Variants in B4GALT7 observed in about 807,000 individuals in gnomAD.
B4GALT7 encodes the protein beta-1,4-galactosyltransferase 7, also known as UDP-Gal:beta-GlcNAc beta-1,4-galactosyltransferase 7.
Under a neutral mutation model 33.0 loss-of-function variants are expected in B4GALT7, and 30 were observed. The observed-to-expected ratio is 0.91, with a 90% confidence interval of 0.68 to 1.23. The LOEUF is 1.23. Ranked by LOEUF, B4GALT7 falls within the 50% of genes most tolerant of loss-of-function variation. B4GALT7 has a pLI of 0.00. For synonymous variants in B4GALT7, 213 were observed against 187.2 expected (o/e 1.14, Z -1.13); for missense variants, 507 against 450.8 (o/e 1.12, Z -1.13).
In B4GALT7 at chr5:177,606,594, C is replaced by CT. The variant is rs1375026030; in HGVS notation, c.414-707dup. 6.4e-6 allele frequency: 1 copy of CT among 155,090 alleles called. No homozygotes were observed. The highest frequency in any genetic ancestry group is 1.4e-5 in the Non-Finnish European group (1 of 69,890). 9.6% of individuals were successfully genotyped at this position (155,090 alleles called of 1,614,324 possible). The stretch of plus-strand genomic sequence containing the variant: ...TGGTCTCCCTGCTTTCACCCCTGCT[C>CT]TGACAGTCTCTTCCAGCACAACAGC... On this transcript the variant is annotated intron_variant, in intron 2 of 5. Coordinates refer to ENST00000029410, the MANE Select transcript of B4GALT7 (RefSeq NM_007255.3). This position sits in a 1 kb window ranked among gnomAD's most constrained non-coding sequence, Gnocchi z 4.2.
intron 2 of B4GALT7, chr5:177,605,340 G>A (rs1767963854): frequency 7.2e-6 from 2 of 277,030 alleles, no homozygotes; most frequent in African/African-American, 4.5e-5. Context: ...AACACGTGAG[G>A]CGGCCATGCT....
Position 177,600,784 on chromosome 5 carries a change from C to A in B4GALT7, c.50+524C>A, listed in dbSNP as rs899473041. 6.6e-6 allele frequency among the ~76,000 whole-genome samples: 1 copy of A among 152,172 alleles called. No homozygotes were observed. Among genetic ancestry groups the A allele is most frequent in the Admixed American group, 6.5e-5 (1 of 15,278 alleles). On this transcript the variant is annotated intron_variant, in intron 1 of 5. Transcript: ENST00000029410. This position sits in a 1 kb window ranked among gnomAD's most constrained non-coding sequence, Gnocchi z 4.4. ...TACCCTTCCTCCTTAACACTTCCCC[C>A]CATCCTTCGCAGGCCACCAGCAGAA...
Position 177,608,940 on chromosome 5 carries a change from T to A in B4GALT7, c.754T>A (p.Tyr252Asn). ...LFRPSGITTGYKTFRHLHDPA... is the reference protein window; with the variant it reads ...LFRPSGITTGNKTFRHLHDPA... ...CCGCCCCTCGGGAATCACAACTGGG[T>A]ACAAGACATTTCGCCACCTGCATGA... is the stretch of plus-strand genomic sequence containing the variant. The change falls in exon 5 of 6, where the codon TAC (tyrosine) becomes AAC (asparagine). Residue 252 changes from tyrosine to asparagine, a missense_variant. Tyr to Asn is a moderately radical substitution (Grantham distance 143). Transcript: ENST00000029410. This position sits in a 1 kb window ranked among gnomAD's most constrained non-coding sequence, Gnocchi z 4.1. The A allele has an allele frequency of 6.2e-7, 1 of 1,613,738 alleles. No homozygotes were observed.
chr5:177,608,880 C>T lies in B4GALT7; in HGVS notation c.724-30C>T, dbSNP rs964938009. 11 of 1,588,664 alleles carry T rather than the reference C, an allele frequency of 6.9e-6. No individual in the cohort carries two copies. Among genetic ancestry groups the T allele is most frequent in the Non-Finnish European group, 9.5e-6 (11 of 1,158,242 alleles). On this transcript the variant is annotated intron_variant, in intron 4 of 5. Coordinates refer to ENST00000029410, the MANE Select transcript of B4GALT7 (RefSeq NM_007255.3). The surrounding 1 kb of genome is among the most constrained non-coding windows in gnomAD (Gnocchi z 4.1). ...AGGGCTGGGGCTCCAGGAAGGGCAG[C>T]CTGACCCCGACTTCCTTGGACCTCC...
intron 1 of B4GALT7, among the ~76,000 whole-genome samples, chr5:177,603,637 A>G (rs1031066157): frequency 3.3e-5 from 5 of 151,930 alleles, no homozygotes; most frequent in African/African-American, 1.2e-4. Context: ...AACATTGGTC[A>G]TTTTACCTGG....
At chr5:177,603,273 G>A in intron 1 of B4GALT7, 1 of 985,260 alleles carries the variant, frequency 1.0e-6, no homozygotes, top group Non-Finnish European at 1.2e-6. Flanking sequence ...GAGAAGGTAG[G>A]GGGAGTACAG....
rs1433757096 is a variant in B4GALT7, at chr5:177,600,648, T to G, written c.50+388T>G. The stretch of plus-strand genomic sequence containing the variant: ...TCTGCATGCGGGTCTCTGACTCCGC[T>G]GACCTCTCACCATGGATTTGTGTTT... On this transcript the variant is annotated intron_variant, in intron 1 of 5. Coordinates refer to ENST00000029410, the MANE Select transcript of B4GALT7 (RefSeq NM_007255.3). The surrounding 1 kb of genome is among the most constrained non-coding windows in gnomAD (Gnocchi z 4.4). Among the ~76,000 whole-genome samples, 1 of 152,188 alleles carries G rather than the reference T, an allele frequency of 6.6e-6. No individual in the cohort carries two copies. Among genetic ancestry groups the G allele is most frequent in the African/African-American group, 2.4e-5 (1 of 41,440 alleles).
At position 177,600,205 on chromosome 5, in the gene B4GALT7, C is replaced by T. The variant is rs1767806249; in HGVS notation, c.-6C>T. On this transcript the variant is annotated 5_prime_UTR_variant, in exon 1 of 6. Transcript: ENST00000029410. The surrounding 1 kb of genome is among the most constrained non-coding windows in gnomAD (Gnocchi z 4.4). ...CCTGCCCCATGCGCCGCCGCCTCTC[C>T]GCACGATGTTCCCCTCGCGGAGGAA... 3 of 1,379,864 alleles carry T rather than the reference C, an allele frequency of 2.2e-6. No individual in the cohort carries two copies. The highest frequency in any genetic ancestry group is 6.2e-5 in the East Asian group (2 of 32,470). The allele number at this position is 1,379,864 out of a possible 1,614,324, so 85.5% of individuals were successfully genotyped here.
chr5:177,602,501 A>G (rs1767872630), intron 1 of B4GALT7, among the ~76,000 whole-genome samples: 1 of 152,150 alleles, frequency 6.6e-6, no homozygotes, highest in Non-Finnish European at 1.5e-5. Context: ...CCGTGGGAAT[A>G]CAAAAGTGGG....
chr5:177,608,703 C>G lies in B4GALT7; in HGVS notation c.723+81C>G. On this transcript the variant is annotated intron_variant, in intron 4 of 5. Coordinates refer to ENST00000029410, the MANE Select transcript of B4GALT7 (RefSeq NM_007255.3). This position sits in a 1 kb window ranked among gnomAD's most constrained non-coding sequence, Gnocchi z 4.1. ...TCTTCTGTTTCCTCAGATGAAGCTCCTGGGGTCTGGAGATGGCCCTGATTC... is the reference window on the plus strand; with the variant it reads ...TCTTCTGTTTCCTCAGATGAAGCTCGTGGGGTCTGGAGATGGCCCTGATTC... 1.4e-6 allele frequency: 2 copies of G among 1,388,162 alleles called. No individual in the cohort carries two copies. Among genetic ancestry groups the G allele is most frequent in the Non-Finnish European group, 2.0e-6 (2 of 989,662 alleles). The allele number at this position is 1,388,162 out of a possible 1,614,324, so 86.0% of individuals were successfully genotyped here.
Position 177,610,129 on chromosome 5 carries a change from G to A in B4GALT7, c.*434G>A, listed in dbSNP as rs1014170486. On this transcript the variant is annotated 3_prime_UTR_variant, in exon 6 of 6. Transcript: ENST00000029410. ...GTAGGTGGCAGTTGGGCCTGGTGAGGGTTAGGACTTCAGAAACCAGAGCAC... is the reference window on the plus strand; with the variant it reads ...GTAGGTGGCAGTTGGGCCTGGTGAGAGTTAGGACTTCAGAAACCAGAGCAC... 4.4e-6 allele frequency: 1 copy of A among 229,364 alleles called. No homozygotes were observed. The highest frequency in any genetic ancestry group is 2.2e-5 in the African/African-American group (1 of 44,764). The allele number at this position is 229,364 out of a possible 1,614,324, so 14.2% of individuals were successfully genotyped here. A position where few individuals can be genotyped will look rare whatever the true frequency, so the allele number is the denominator to read the frequency against.
chr5:177,602,828 A>G (rs1263995928), intron 1 of B4GALT7: 1 of 983,706 alleles, frequency 1.0e-6, no homozygotes, highest in Admixed American at 6.2e-5. Context: ...GAGCAGGGCA[A>G]GGAACAGATG....
rs1484987940 is a variant in B4GALT7, at chr5:177,600,647, C to T, written c.50+387C>T. 6.6e-6 allele frequency among the ~76,000 whole-genome samples: 1 copy of T among 152,182 alleles called. No homozygotes were observed. The highest frequency in any genetic ancestry group is 2.4e-5 in the African/African-American group (1 of 41,438). ...ATCTGCATGCGGGTCTCTGACTCCG[C>T]TGACCTCTCACCATGGATTTGTGTT... On this transcript the variant is annotated intron_variant, in intron 1 of 5. Coordinates refer to ENST00000029410, the MANE Select transcript of B4GALT7 (RefSeq NM_007255.3). This position sits in a 1 kb window ranked among gnomAD's most constrained non-coding sequence, Gnocchi z 4.4.
chr5:177,606,900 C>T lies in B4GALT7; in HGVS notation c.414-402C>T, dbSNP rs572815691. On this transcript the variant is annotated intron_variant, in intron 2 of 5. Transcript: ENST00000029410. The surrounding 1 kb of genome is among the most constrained non-coding windows in gnomAD (Gnocchi z 4.2). The stretch of plus-strand genomic sequence containing the variant: ...TCTTCAGGCCTTCAGGTTTCTGTCA[C>T]TCAGTTCCCCTGGCCCTCCCTGACG... 4.2e-5 allele frequency: 15 copies of T among 356,902 alleles called. No homozygotes were observed. The highest frequency in any genetic ancestry group is 7.7e-5 in the Non-Finnish European group (14 of 182,036). The allele number at this position is 356,902 out of a possible 1,614,324, so 22.1% of individuals were successfully genotyped here.
At position 177,609,782 on chromosome 5, in the gene B4GALT7, C is replaced by T. The variant is rs1768126292; in HGVS notation, c.*87C>T. 1 of 1,518,068 alleles carries T rather than the reference C, an allele frequency of 6.6e-7. No individual in the cohort carries two copies. The highest frequency in any genetic ancestry group is 1.4e-5 in the African/African-American group (1 of 72,394). 94.0% of individuals were successfully genotyped at this position (1,518,068 alleles called of 1,614,324 possible). A position where few individuals can be genotyped will look rare whatever the true frequency, so the allele number is the denominator to read the frequency against. On this transcript the variant is annotated 3_prime_UTR_variant, in exon 6 of 6. Coordinates refer to ENST00000029410, the MANE Select transcript of B4GALT7 (RefSeq NM_007255.3). ...CCTCAGGTCGTGGGCCCAGCTCTGACAGGATGTGGAGTGGCCAGGACCAAG... is the reference window on the plus strand; with the variant it reads ...CCTCAGGTCGTGGGCCCAGCTCTGATAGGATGTGGAGTGGCCAGGACCAAG...
Position 177,604,200 on chromosome 5 carries a change from C to T in B4GALT7, c.72C>T (p.Gly24=). 1.2e-6 allele frequency: 2 copies of T among 1,613,656 alleles called. No homozygotes were observed. The highest frequency in any genetic ancestry group is 1.7e-6 in the Non-Finnish European group (2 of 1,179,962). Reference sequence around the variant, plus strand: ...CCAGGTCCGGGTTGCTCTCCGGCGGCCTCCCTCGGAAGTGTTCCGTCTTCC... The same window carrying T: ...CCAGGTCCGGGTTGCTCTCCGGCGGTCTCCCTCGGAAGTGTTCCGTCTTCC... ...EDGRSGLLSG[G]LPRKCSVFHL... is the part of the protein sequence containing the mutation. Residue 24 remains glycine, a synonymous_variant, in exon 2 of 6, where the codon GGC becomes GGT. Transcript: ENST00000029410.
At chr5:177,603,430 G>C in intron 1 of B4GALT7, 1 of 924,044 alleles carries the variant, frequency 1.1e-6, no homozygotes, top group Non-Finnish European at 1.3e-6. Flanking sequence ...CAGTGTCTGT[G>C]ATGTTCAGCT....
chr5:177,608,818 C>T lies in B4GALT7; in HGVS notation c.724-92C>T. The T allele has an allele frequency of 8.1e-7, 1 of 1,227,216 alleles. No homozygotes were observed. The allele number at this position is 1,227,216 out of a possible 1,614,324, so 76.0% of individuals were successfully genotyped here. Reference sequence around the variant, plus strand: ...TCTCCTCTCCTGCAGGCTGGGAGTGCAGGTCCCTTCCTGTGGGACCTCGGG... The same window carrying T: ...TCTCCTCTCCTGCAGGCTGGGAGTGTAGGTCCCTTCCTGTGGGACCTCGGG... On this transcript the variant is annotated intron_variant, in intron 4 of 5. Coordinates refer to ENST00000029410, the MANE Select transcript of B4GALT7 (RefSeq NM_007255.3). The surrounding 1 kb of genome is among the most constrained non-coding windows in gnomAD (Gnocchi z 4.1).
rs912988044 is a variant in B4GALT7 at position 177,608,960 on chromosome 5, G to A, written c.774G>A (p.Leu258=). The change falls in exon 5 of 6, where the codon CTG becomes CTA. Residue 258 remains leucine (L), a synonymous_variant. Transcript: ENST00000029410. This position sits in a 1 kb window ranked among gnomAD's most constrained non-coding sequence, Gnocchi z 4.1. ...ITTGYKTFRH[L]HDPAWRKRDQ... Reference sequence around the variant, plus strand: ...CTGGGTACAAGACATTTCGCCACCTGCATGACCCAGCCTGGCGGAAGAGGG... The same window carrying A: ...CTGGGTACAAGACATTTCGCCACCTACATGACCCAGCCTGGCGGAAGAGGG... 6.2e-6 allele frequency: 10 copies of A among 1,613,478 alleles called. No homozygotes were observed. The African/African-American group carries it at 1.1e-4, about 17-fold the overall frequency.
Sources: allele counts gnomAD v4.1 joint callset (sites outside exome capture counted in the v4.1 genomes callset), GRCh38; gene constraint gnomAD v4.1.1; non-coding constraint Gnocchi (gnomAD v3.1); transcripts MANE v1.5; gene names NCBI Gene and HGNC (gene_info 2026-07-23, HGNC 2026-07-21).